Variants in WDTC1 observed in about 807,000 individuals in gnomAD.
The protein encoded by WDTC1 is WD and tetratricopeptide repeats protein 1.
Under a neutral mutation model 76.0 loss-of-function variants are expected in WDTC1, and 12 were observed. The ratio of observed to expected loss-of-function variants is 0.16; its 90% CI spans 0.10 to 0.26. The LOEUF (loss-of-function observed/expected upper bound fraction) is 0.26, where lower values mean the gene tolerates loss of function less well. Ranked by LOEUF, WDTC1 falls within the 10% of genes least tolerant of loss-of-function variation. WDTC1 has a pLI of 1.00. For missense variants in WDTC1, 511 were observed against 908.8 expected, an observed-to-expected ratio of 0.56 and a Z score of 5.63; for synonymous variants, 326 against 350.8, an observed-to-expected ratio of 0.93 and a Z score of 0.79.
Position 27,235,394 on chromosome 1 carries a change from CTGTGTGTGTG to C in WDTC1, c.-100+477_-100+486del, listed in dbSNP as rs139665541. 4.0e-3 allele frequency among the ~76,000 whole-genome samples: 563 copies of C among 141,208 alleles called. 5 individuals carry two copies. Among genetic ancestry groups the C allele is most frequent in the African/African-American group, 5.9e-3 (223 of 37,582 alleles). The allele number at this position is 141,208 out of a possible 152,430, so 92.6% of individuals were successfully genotyped here. ...TCTTTCTGTTTTTCTCTCTCTCTTTCTGTGTGTGTGTGTGTGTGTGTGTGTGTGTGTGTGT... is the reference window on the plus strand; with the variant it reads ...TCTTTCTGTTTTTCTCTCTCTCTTTCTGTGTGTGTGTGTGTGTGTGTGTGT... On this transcript the variant is annotated intron_variant, in intron 1 of 15. Transcript: ENST00000319394.
intron 6 of WDTC1, among the ~76,000 whole-genome samples, chr1:27,289,004 C>T (rs562844246): frequency 0.035 from 4,899 of 139,208 alleles, 111 homozygotes; most frequent in Middle Eastern, 0.059. Flanking sequence ...ACCTCCCTCC[C>T]GGACGGGGCG....
chr1:27,283,375 G>T lies in WDTC1; in HGVS notation c.217G>T (p.Val73Leu). 6.2e-7 allele frequency: 1 copy of T among 1,613,820 alleles called. No homozygotes were observed. The highest frequency in any genetic ancestry group is 8.5e-7 in the Non-Finnish European group (1 of 1,180,016). The change falls in exon 5 of 16, where the codon GTG becomes TTG. Residue 73 changes from valine to leucine, a missense_variant. Physicochemically the swap from Val to Leu is conservative, Grantham distance 32 (BLOSUM62 1). Coordinates refer to ENST00000319394, the MANE Select transcript of WDTC1 (RefSeq NM_001276252.2). ...ASGSDDQHTI[V>L]WDPLHHKKLL... ...TGGTTCCGATGACCAGCACACGATTGTGTGGGACCCGCTGCACCACAAGAA... is the reference window on the plus strand; with the variant it reads ...TGGTTCCGATGACCAGCACACGATTTTGTGGGACCCGCTGCACCACAAGAA...
In WDTC1 at chr1:27,287,696, G is replaced by A. The variant is rs201620934; in HGVS notation, c.314G>A (p.Arg105His). Residue 105 changes from arginine to histidine, a missense_variant, in exon 6 of 16, where the codon CGC becomes CAC. Arg to His is a conservative substitution (Grantham distance 29). Transcript: ENST00000319394. ...SVKFLPHAGD[R>H]ILITGAADSK... ...TAGTTCCTGCCTCACGCTGGGGACC[G>A]CATCTTGATCACGGGGGCAGCCGAC... is the stretch of plus-strand genomic sequence containing the variant. 1.3e-4 allele frequency: 202 copies of A among 1,613,456 alleles called. 1 individual carries two copies. The Admixed American group carries it at 2.8e-3, about 22-fold the overall frequency.
chr1:27,292,708 T>G (rs924496434), intron 7 of WDTC1, among the ~76,000 whole-genome samples: 15 of 151,768 alleles, frequency 9.9e-5, no homozygotes, highest in Non-Finnish European at 1.9e-4. Flanking sequence ...ACTACAAGCA[T>G]GAGCCACTGT....
intron 1 of WDTC1, among the ~76,000 whole-genome samples, chr1:27,242,921 TG>T (rs1412717591): frequency 6.6e-6 from 1 of 152,130 alleles, no homozygotes; most frequent in Non-Finnish European, 1.5e-5. Flanking sequence ...CAGTCCTACA[TG>T]GGATTATTTA....
Position 27,294,408 on chromosome 1 carries a change from T to C in WDTC1, c.758-106T>C, listed in dbSNP as rs1202289544. 5 of 1,026,736 alleles carry C rather than the reference T, an allele frequency of 4.9e-6. No homozygotes were observed. In the African/African-American group the frequency reaches 7.9e-5, roughly 16 times the overall value. The allele number at this position is 1,026,736 out of a possible 1,614,324, so 63.6% of individuals were successfully genotyped here. On this transcript the variant is annotated intron_variant, in intron 8 of 15. Coordinates refer to ENST00000319394, the MANE Select transcript of WDTC1 (RefSeq NM_001276252.2). Reference sequence around the variant, plus strand: ...AGGGCTCAACACTTGTAGCTGCTTTTATGCTAAAGTTGATTGGTATAATTT... The same window carrying C: ...AGGGCTCAACACTTGTAGCTGCTTTCATGCTAAAGTTGATTGGTATAATTT...
chr1:27,263,838 C>T (rs897460252), intron 3 of WDTC1, among the ~76,000 whole-genome samples: 1 of 152,052 alleles, frequency 6.6e-6, no homozygotes, highest in Non-Finnish European at 1.5e-5. Flanking sequence ...TACCCGTATA[C>T]AGGAATATAG....
At chr1:27,243,494 G>C (rs906219022) in intron 1 of WDTC1, among the ~76,000 whole-genome samples, 2 of 152,082 alleles carry the variant, frequency 1.3e-5, no homozygotes, top group Non-Finnish European at 2.9e-5. Flanking sequence ...TTACAGGTGT[G>C]AGCCACCACA....
chr1:27,299,982 C>T (rs2013790698), intron 12 of WDTC1, among the ~76,000 whole-genome samples: 1 of 152,172 alleles, frequency 6.6e-6, no homozygotes, highest in African/African-American at 2.4e-5. Flanking sequence ...TCCCCAGGAG[C>T]TCAGAGGGGC....
In WDTC1 at chr1:27,269,634, T is replaced by C. The variant is rs1019035356; in HGVS notation, c.132+6399T>C. 2.7e-5 allele frequency among the ~76,000 whole-genome samples: 4 copies of C among 149,048 alleles called. 1 individual carries two copies. The highest frequency in any genetic ancestry group is 4.3e-4 in the South Asian group (2 of 4,684). ...TTTTTTTTTTCGGTTTTTTTTTTTT[T>C]GAGATGGAATTGCTCTGTCACCCAG... On this transcript the variant is annotated intron_variant, in intron 3 of 15. Coordinates refer to ENST00000319394, the MANE Select transcript of WDTC1 (RefSeq NM_001276252.2).
intron 1 of WDTC1, among the ~76,000 whole-genome samples, chr1:27,250,576 G>A (rs993868049): frequency 6.6e-6 from 1 of 152,124 alleles, no homozygotes; most frequent in Non-Finnish European, 1.5e-5. Flanking sequence ...CCCTATGTAG[G>A]TACTAATTGG....
chr1:27,241,658 G>A (rs1289043578), intron 1 of WDTC1, among the ~76,000 whole-genome samples: 1 of 152,188 alleles, frequency 6.6e-6, no homozygotes, highest in East Asian at 1.9e-4. Context: ...ATTGTGGCAG[G>A]ATTTGTCAGG....
chr1:27,240,985 C>T (rs201755798), intron 1 of WDTC1, among the ~76,000 whole-genome samples: 2 of 89,604 alleles, frequency 2.2e-5, no homozygotes, highest in African/African-American at 3.4e-5. Context: ...AAAAAAAAAA[C>T]AAAAAAACTT....
chr1:27,291,211 C>T (rs916298393), intron 6 of WDTC1, among the ~76,000 whole-genome samples: 2 of 152,214 alleles, frequency 1.3e-5, no homozygotes, highest in Non-Finnish European at 2.9e-5. Flanking sequence ...CAGAAATAAA[C>T]ATGGCATGTG....
At chr1:27,264,545 G>A (rs1463135703) in intron 3 of WDTC1, among the ~76,000 whole-genome samples, 1 of 152,042 alleles carries the variant, frequency 6.6e-6, no homozygotes, top group Non-Finnish European at 1.5e-5. Flanking sequence ...CAGAAATTCA[G>A]CTTTTTCATT....
chr1:27,287,685 C>A lies in WDTC1; in HGVS notation c.303C>A (p.His101Gln). 1 of 1,613,670 alleles carries A rather than the reference C, an allele frequency of 6.2e-7. No homozygotes were observed. Among genetic ancestry groups the A allele is most frequent in the Non-Finnish European group, 8.5e-7 (1 of 1,179,838 alleles). The change falls in exon 6 of 16, where the codon CAC becomes CAA. Residue 101 changes from histidine to glutamine, a missense_variant. Physicochemically the swap from His to Gln is conservative, Grantham distance 24. Coordinates refer to ENST00000319394, the MANE Select transcript of WDTC1 (RefSeq NM_001276252.2). Reference sequence around the variant, plus strand: ...TTTCTCCTATATAGTTCCTGCCTCACGCTGGGGACCGCATCTTGATCACGG... The same window carrying A: ...TTTCTCCTATATAGTTCCTGCCTCAAGCTGGGGACCGCATCTTGATCACGG... ...ANIFSVKFLP[H>Q]AGDRILITGA...
intron 9 of WDTC1, among the ~76,000 whole-genome samples, chr1:27,295,217 G>C (rs1246141718): frequency 6.6e-6 from 1 of 152,154 alleles, no homozygotes; most frequent in Non-Finnish European, 1.5e-5. Context: ...AGAGACAAGT[G>C]GGAAATATGA....
rs778941081 is a variant in WDTC1 at position 27,306,207 on chromosome 1, G to C, written c.1858G>C (p.Val620Leu). Reference sequence around the variant, plus strand: ...ACAGAGTGAAGACCTCACAGGCCGAGTCGTGGAAGATATGGAGGGTGCTTC... The same window carrying C: ...ACAGAGTGAAGACCTCACAGGCCGACTCGTGGAAGATATGGAGGGTGCTTC... Reference protein sequence around the residue: ...RPESEDLTGRVVEDMEGASQA... With the variant: ...RPESEDLTGRLVEDMEGASQA... Residue 620 changes from valine to leucine, a missense_variant, in exon 16 of 16, where the codon GTC (valine) becomes CTC (leucine). Coordinates refer to ENST00000319394, the MANE Select transcript of WDTC1 (RefSeq NM_001276252.2). This position sits in a 1 kb window ranked among gnomAD's most constrained non-coding sequence, Gnocchi z 5.0. The C allele has an allele frequency of 1.2e-5, 20 of 1,613,998 alleles. No individual in the cohort carries two copies. Among genetic ancestry groups the C allele is most frequent in the Non-Finnish European group, 1.7e-5 (20 of 1,180,032 alleles).
At chr1:27,243,192 C>T (rs985571387) in intron 1 of WDTC1, among the ~76,000 whole-genome samples, 16 of 140,848 alleles carry the variant, frequency 1.1e-4, no homozygotes, top group African/African-American at 4.2e-4. Flanking sequence ...TGCTCCCTGG[C>T]CAGTAATTTT....
Sources: allele counts gnomAD v4.1 joint callset (sites outside exome capture counted in the v4.1 genomes callset), GRCh38; gene constraint gnomAD v4.1.1; non-coding constraint Gnocchi (gnomAD v3.1); transcripts MANE v1.5; gene names NCBI Gene and HGNC (gene_info 2026-07-23, HGNC 2026-07-21).